The following MED13L variants were observed in gnomAD, a reference collection of about 807,000 sequenced individuals.
The protein encoded by MED13L is mediator complex subunit 13L, also known as mediator of RNA polymerase II transcription subunit 13-like.
A neutral mutation model predicts 220.9 loss-of-function variants in MED13L; 7 were observed. The ratio of observed to expected loss-of-function variants is 0.03; its 90% CI spans 0.02 to 0.06. The LOEUF is 0.06. Ranked by LOEUF, MED13L falls within the 10% of genes least tolerant of loss-of-function variation. The pLI is 1.00. For synonymous variants in MED13L, 1,011 were observed against 1,015.2 expected, an observed-to-expected ratio of 1.00 and a Z score of 0.08; for missense variants, 1,965 against 2,760.5, an observed-to-expected ratio of 0.71 and a Z score of 6.46.
intron 16 of MED13L, among the ~76,000 whole-genome samples, chr12:115,994,008 C>T (rs1878241721): frequency 6.6e-6 from 1 of 152,070 alleles, no homozygotes; most frequent in Non-Finnish European, 1.5e-5. Flanking sequence ...ACATACTGTC[C>T]AATAAGGTAG....
chr12:116,057,389 G>C (rs1045510630), intron 4 of MED13L, among the ~76,000 whole-genome samples: 4 of 151,868 alleles, frequency 2.6e-5, no homozygotes, highest in African/African-American at 9.7e-5. Flanking sequence ...TCTATCTAGC[G>C]TATTAGTTAT....
At chr12:116,137,254 G>A (rs951648841) in intron 2 of MED13L, among the ~76,000 whole-genome samples, 1 of 152,018 alleles carries the variant, frequency 6.6e-6, no homozygotes, top group Non-Finnish European at 1.5e-5. Flanking sequence ...TAGTGGTGGT[G>A]GTATGATAAA....
At position 115,960,859 on chromosome 12, in the gene MED13L, G is replaced by A; in HGVS notation, c.*407C>T. ...CAGGTAACCCACAGGCCATACACCA[G>A]TAACTAAGAGGATTTCATCCAAAGG... is the stretch of plus-strand genomic sequence containing the variant. On this transcript the variant is annotated 3_prime_UTR_variant, in exon 31 of 31. Transcript: ENST00000281928. The A allele has an allele frequency of 7.0e-6, 2 of 284,552 alleles. No homozygotes were observed. The highest frequency in any genetic ancestry group is 7.6e-5 in the South Asian group (2 of 26,174). 17.6% of individuals were successfully genotyped at this position (284,552 alleles called of 1,614,324 possible).
intron 4 of MED13L, among the ~76,000 whole-genome samples, chr12:116,040,508 T>C (rs965446684): frequency 1.4e-4 from 22 of 152,322 alleles, no homozygotes; most frequent in African/African-American, 5.1e-4. Context: ...CCTTTCATAA[T>C]GCTAATGAAA....
At chr12:116,117,818 A>G (rs949275238) in intron 2 of MED13L, among the ~76,000 whole-genome samples, 1 of 152,020 alleles carries the variant, frequency 6.6e-6, no homozygotes, top group African/African-American at 2.4e-5. Context: ...GCATTTTTTT[A>G]ATTTTTTGAG....
intron 1 of MED13L, among the ~76,000 whole-genome samples, chr12:116,247,643 T>C (rs1565948119): frequency 6.6e-6 from 1 of 152,158 alleles, no homozygotes; most frequent in Admixed American, 6.5e-5. Flanking sequence ...AGAAATACAA[T>C]GTGGTATTCC....
At chr12:116,036,186 A>G (rs1041704244) in intron 4 of MED13L, among the ~76,000 whole-genome samples, 4 of 152,216 alleles carry the variant, frequency 2.6e-5, no homozygotes, top group African/African-American at 7.2e-5. Flanking sequence ...ATAACCAAAG[A>G]TTAAATTACT....
At chr12:116,069,042 C>T (rs1396899446) in intron 4 of MED13L, among the ~76,000 whole-genome samples, 4 of 152,056 alleles carry the variant, frequency 2.6e-5, no homozygotes, top group Non-Finnish European at 5.9e-5. Flanking sequence ...AAACTCATGC[C>T]CCAAGGAACG....
At chr12:115,961,807 T>C (rs1383440781) in intron 30 of MED13L, among the ~76,000 whole-genome samples, 1 of 151,906 alleles carries the variant, frequency 6.6e-6, no homozygotes, top group Admixed American at 6.6e-5. Context: ...CCCATCTCTA[T>C]TAAAAATACA....
At chr12:116,192,999 G>A (rs961318586) in intron 2 of MED13L, among the ~76,000 whole-genome samples, 19 of 152,280 alleles carry the variant, frequency 1.2e-4, no homozygotes, top group African/African-American at 4.1e-4. Flanking sequence ...ATGGTGGCAC[G>A]TGCCTGTAGT....
chr12:116,271,750 C>G (rs60282690), intron 1 of MED13L, among the ~76,000 whole-genome samples: 2,530 of 152,218 alleles, frequency 0.017, 23 homozygotes, highest in Middle Eastern at 0.041. Context: ...AACAATGTTG[C>G]ATGTATTTTT....
intron 2 of MED13L, among the ~76,000 whole-genome samples, chr12:116,160,399 T>TTTCA (rs1335048581): frequency 2.0e-5 from 3 of 152,114 alleles, no homozygotes; most frequent in Admixed American, 6.6e-5. Context: ...TGCATCATGA[T>TTTCA]AGTGGCCAAC....
intron 4 of MED13L, among the ~76,000 whole-genome samples, chr12:116,028,909 A>G (rs1345957853): frequency 6.6e-6 from 1 of 152,140 alleles, no homozygotes; most frequent in African/African-American, 2.4e-5. Context: ...CCTAGAGATT[A>G]CTTTCTCTCT....
chr12:116,152,100 T>G (rs1033436723), intron 2 of MED13L, among the ~76,000 whole-genome samples: 3 of 152,210 alleles, frequency 2.0e-5, no homozygotes, highest in Non-Finnish European at 4.4e-5. Flanking sequence ...TGGAAATATA[T>G]TTGTTTCATA....
chr12:116,081,103 G>A (rs1871212953), intron 4 of MED13L, among the ~76,000 whole-genome samples: 1 of 152,136 alleles, frequency 6.6e-6, no homozygotes, highest in Non-Finnish European at 1.5e-5. Flanking sequence ...TTTCTGTCCT[G>A]ACAAAGAGAG....
At chr12:116,200,729 A>C (rs1186872166) in intron 2 of MED13L, among the ~76,000 whole-genome samples, 4 of 152,228 alleles carry the variant, frequency 2.6e-5, no homozygotes, top group African/African-American at 9.6e-5. Context: ...CTGTGCCTCA[A>C]TTTATATTTT....
chr12:116,227,800 C>T (rs868036899), intron 2 of MED13L, among the ~76,000 whole-genome samples: 1 of 152,070 alleles, frequency 6.6e-6, no homozygotes, highest in African/African-American at 2.4e-5. Context: ...AAGAACTGCC[C>T]ATCTCTTACT....
chr12:116,245,450 C>T (rs1171068869), intron 1 of MED13L, among the ~76,000 whole-genome samples: 1 of 152,044 alleles, frequency 6.6e-6, no homozygotes, highest in Admixed American at 6.5e-5. Flanking sequence ...GAACATACAA[C>T]CAAGAATTGC....
chr12:116,126,312 T>A (rs1875582926), intron 2 of MED13L, among the ~76,000 whole-genome samples: 1 of 152,258 alleles, frequency 6.6e-6, no homozygotes, highest in African/African-American at 2.4e-5. Flanking sequence ...TTTCGAAATC[T>A]GGCTAGAATG....
Sources: allele counts gnomAD v4.1 joint callset (sites outside exome capture counted in the v4.1 genomes callset), GRCh38; gene constraint gnomAD v4.1.1; transcripts MANE v1.5; gene names NCBI Gene and HGNC (gene_info 2026-07-23, HGNC 2026-07-21).